EDA: variants seen among roughly 807,000 people sequenced by gnomAD.
EDA encodes ectodysplasin-A.
Under a neutral mutation model 23.6 loss-of-function variants are expected in EDA, and 2 were observed. The ratio of observed to expected loss-of-function variants is 0.08; its 90% CI spans 0.03 to 0.27. EDA has a LOEUF of 0.27. EDA is among the 10% of genes least tolerant of loss of function. EDA has a pLI of 1.00. For missense variants in EDA, 229 were observed against 324.2 expected (o/e 0.71, Z 2.26); for synonymous variants, 131 against 132.0 (o/e 0.99, Z 0.05).
At chrX:69,714,174 T>C (rs1283840290) in intron 1 of EDA, among the ~76,000 whole-genome samples, 1 of 111,247 alleles carries the variant, frequency 9.0e-6, no homozygotes, top group Non-Finnish European at 1.9e-5. Flanking sequence ...CTAATAATAT[T>C]GAACATCTTT....
intron 1 of EDA, among the ~76,000 whole-genome samples, chrX:69,772,240 G>A (rs1034403238): frequency 9.8e-5 from 11 of 111,860 alleles, no homozygotes; most frequent in African/African-American, 2.9e-4. Context: ...GATTACAGAC[G>A]TGAGCTACTG....
intron 1 of EDA, among the ~76,000 whole-genome samples, chrX:69,926,011 C>G (rs1336582152): frequency 9.1e-6 from 1 of 110,387 alleles, no homozygotes; most frequent in Non-Finnish European, 1.9e-5. Context: ...GTGATATCCC[C>G]ATTATTATTT....
intron 2 of EDA, among the ~76,000 whole-genome samples, chrX:69,988,812 C>T (rs138359506): frequency 0.011 from 1,257 of 110,671 alleles, 6 homozygotes; most frequent in African/African-American, 0.032. Flanking sequence ...GCCAAGATTG[C>T]GCCACTGCAC....
chrX:69,887,878 A>T (rs1041175686), intron 1 of EDA, among the ~76,000 whole-genome samples: 3 of 111,949 alleles, frequency 2.7e-5, no homozygotes, highest in Non-Finnish European at 5.6e-5. Context: ...GCAAAAGCTG[A>T]GGGAGTTCAT....
chrX:69,894,222 G>A (rs1308878439), intron 1 of EDA, among the ~76,000 whole-genome samples: 1 of 110,758 alleles, frequency 9.0e-6, no homozygotes, highest in South Asian at 3.9e-4. Flanking sequence ...TGTAGGGGAC[G>A]GCTTTATTTC....
chrX:69,760,457 C>T (rs2014276177), intron 1 of EDA, among the ~76,000 whole-genome samples: 1 of 111,748 alleles, frequency 8.9e-6, no homozygotes, highest in South Asian at 3.7e-4. Flanking sequence ...TGAACTAATA[C>T]TTCACATAAG....
At chrX:69,694,659 G>T (rs113429224) in intron 1 of EDA, among the ~76,000 whole-genome samples, 8 of 111,821 alleles carry the variant, frequency 7.2e-5, no homozygotes, top group Non-Finnish European at 1.9e-5. Context: ...TCACTACAAC[G>T]TTGATGCAAT....
chrX:69,709,636 A>G (rs2011889251), intron 1 of EDA, among the ~76,000 whole-genome samples: 1 of 111,365 alleles, frequency 9.0e-6, no homozygotes, highest in Admixed American at 9.6e-5. Flanking sequence ...CCTAGTGTCC[A>G]CTGATTTCTC....
intron 1 of EDA, among the ~76,000 whole-genome samples, chrX:69,660,769 C>T (rs1390336114): frequency 1.8e-5 from 2 of 111,477 alleles, no homozygotes; most frequent in African/African-American, 6.5e-5. Context: ...GGTTCCAAGT[C>T]TTTGCTATTG....
At chrX:69,980,990 G>C (rs987962224) in intron 2 of EDA, among the ~76,000 whole-genome samples, 2 of 112,228 alleles carry the variant, frequency 1.8e-5, no homozygotes, top group African/African-American at 3.2e-5. Context: ...TTTCTGTAGA[G>C]CTACTTGACT....
chrX:69,778,122 A>G (rs1040820832), intron 1 of EDA, among the ~76,000 whole-genome samples: 1 of 111,693 alleles, frequency 9.0e-6, no homozygotes, highest in African/African-American at 3.2e-5. Context: ...CTTCTGTATA[A>G]TCTTTAATGT....
intron 1 of EDA, among the ~76,000 whole-genome samples, chrX:69,761,999 T>C (rs2147412302): frequency 8.9e-6 from 1 of 111,897 alleles, no homozygotes; most frequent in South Asian, 3.8e-4. Context: ...TGTACATTCA[T>C]TCTTAGAATA....
chrX:69,951,981 A>G (rs2018934218), intron 1 of EDA, among the ~76,000 whole-genome samples: 1 of 112,130 alleles, frequency 8.9e-6, no homozygotes, highest in African/African-American at 3.2e-5. Flanking sequence ...TTTTATTCAT[A>G]TCCTGCAACT....
intron 1 of EDA, among the ~76,000 whole-genome samples, chrX:69,953,238 G>A (rs2018953686): frequency 8.9e-6 from 1 of 112,425 alleles, no homozygotes; most frequent in Non-Finnish European, 1.9e-5. Context: ...GAAAGGACTG[G>A]AAAAGATGTT....
At chrX:69,995,195 T>C (rs1209052090) in intron 2 of EDA, among the ~76,000 whole-genome samples, 1 of 112,358 alleles carries the variant, frequency 8.9e-6, no homozygotes. Context: ...TGCCCCACTA[T>C]TTGAAACAAT....
chrX:69,888,985 T>G (rs1221947275), intron 1 of EDA, among the ~76,000 whole-genome samples: 49 of 46,605 alleles, frequency 1.1e-3, no homozygotes, highest in East Asian at 2.6e-3. Flanking sequence ...TAGTTATATA[T>G]ATATATATAT....
chrX:69,941,091 C>T (rs2018751073), intron 1 of EDA, among the ~76,000 whole-genome samples: 1 of 111,482 alleles, frequency 9.0e-6, no homozygotes, highest in African/African-American at 3.3e-5. Flanking sequence ...CAAAATTCCT[C>T]GTTATTGATT....
chrX:69,698,691 AGAGTTGGGCTTGGT>A (rs1351133059), intron 1 of EDA, among the ~76,000 whole-genome samples: 1 of 111,166 alleles, frequency 9.0e-6, no homozygotes, highest in Non-Finnish European at 1.9e-5. Context: ...CCGGGTTTCT[AGAGTTGGGCTTGGT>A]GAGTTGGGCT....
chrX:69,617,136 G>C (rs890278927), intron 1 of EDA: 4 of 247,602 alleles, frequency 1.6e-5, no homozygotes, highest in Admixed American at 6.3e-5. Flanking sequence ...GCTGTAAACA[G>C]CTGTAATAAC....
Sources: gnomAD v4.1 joint callset for allele counts (sites outside exome capture counted in the v4.1 genomes callset) on GRCh38, gnomAD v4.1.1 for gene constraint, MANE v1.5 for transcripts, NCBI Gene and HGNC (gene_info 2026-07-23, HGNC 2026-07-21) for gene names.